The following DCC variants were observed in gnomAD, a reference collection of about 807,000 sequenced individuals.
The protein encoded by DCC is DCC netrin 1 receptor, also known as netrin receptor DCC.
A neutral mutation model predicts 172.5 loss-of-function variants in DCC; 58 were observed. That is an observed-to-expected ratio of 0.34 (90% CI 0.27 to 0.42). DCC has a LOEUF of 0.42. DCC is among the 10% of genes least tolerant of loss of function. DCC has a pLI of 1.00. For synonymous variants in DCC, 709 were observed against 644.5 expected (o/e 1.10, Z -1.52); for missense variants, 1,740 against 1,791.0 (o/e 0.97, Z 0.51).
chr18:53,385,995 T>A, intron 15 of DCC, 48 bp from the exon 16 acceptor site: 1 of 1,219,700 alleles, frequency 8.2e-7, no homozygotes, highest in Non-Finnish European at 1.2e-6. Context: ...AGTATTTTGA[T>A]ACATTAAATA....
At chr18:52,390,368 A>G (rs1985984488) in intron 1 of DCC, among the ~76,000 whole-genome samples, 1 of 152,038 alleles carries the variant, frequency 6.6e-6, no homozygotes, top group African/African-American at 2.4e-5. Context: ...GCACACCAGG[A>G]TGGGCACAGA....
At chr18:52,722,488 A>G (rs1324973670) in intron 1 of DCC, among the ~76,000 whole-genome samples, 1 of 152,150 alleles carries the variant, frequency 6.6e-6, no homozygotes, top group Non-Finnish European at 1.5e-5. Context: ...TATGGTTATT[A>G]TTTATGTAGT....
intron 6 of DCC, chr18:53,063,694 A>T: frequency 2.2e-6 from 1 of 463,808 alleles, no homozygotes; most frequent in Non-Finnish European, 3.9e-6. Context: ...AAAACATACA[A>T]ACAAACAAAA....
At position 53,145,119 on chromosome 18, in the gene DCC, T is replaced by TTC. The variant is rs1394757326; in HGVS notation, c.1262-12236_1262-12235insCT. On this transcript the variant is annotated intron_variant, in intron 7 of 28. Transcript: ENST00000442544. ...TGAGGGCTCTGCTTTTTTTTTTTTT[T>TTC]TTTTTTTTTTTTTGAGACCGACTCT... is the stretch of plus-strand genomic sequence containing the variant. 3.8e-3 allele frequency among the ~76,000 whole-genome samples: 502 copies of TTC among 132,180 alleles called. 7 individuals are homozygous for TTC. The highest frequency in any genetic ancestry group is 0.013 in the Admixed American group (166 of 12,420). 86.7% of individuals were successfully genotyped at this position (132,180 alleles called of 152,430 possible).
chr18:53,246,062 C>A (rs2056361428), intron 12 of DCC, among the ~76,000 whole-genome samples: 1 of 151,980 alleles, frequency 6.6e-6, no homozygotes, highest in Non-Finnish European at 1.5e-5. Context: ...TTGAATAGTT[C>A]TCCCTGAGAC....
chr18:52,833,302 T>C (rs1010383422), intron 2 of DCC, among the ~76,000 whole-genome samples: 1 of 152,126 alleles, frequency 6.6e-6, no homozygotes, highest in Non-Finnish European at 1.5e-5. Context: ...CTAATGCATC[T>C]CTTTTAGAGC....
chr18:52,531,915 A>C (rs975009488), intron 1 of DCC, among the ~76,000 whole-genome samples: 6 of 152,238 alleles, frequency 3.9e-5, no homozygotes, highest in Admixed American at 3.9e-4. Flanking sequence ...GATGAAGAGA[A>C]GGAAATTAAA....
intron 9 of DCC, among the ~76,000 whole-genome samples, chr18:53,198,830 C>A (rs576654921): frequency 5.3e-5 from 8 of 152,204 alleles, no homozygotes; most frequent in Admixed American, 1.3e-4. Flanking sequence ...ATTCTGAAAT[C>A]TTTCCATTCT....
intron 7 of DCC, among the ~76,000 whole-genome samples, chr18:53,113,849 T>G (rs1370390651): frequency 6.6e-6 from 1 of 151,440 alleles, no homozygotes; most frequent in Non-Finnish European, 1.5e-5. Flanking sequence ...AGAACCATAC[T>G]GCTTCACTTT....
chr18:52,835,675 A>T (rs555519552), intron 2 of DCC, among the ~76,000 whole-genome samples: 1 of 152,322 alleles, frequency 6.6e-6, no homozygotes, highest in Non-Finnish European at 1.5e-5. Flanking sequence ...TTGTATAGAG[A>T]TATCTATATA....
intron 12 of DCC, among the ~76,000 whole-genome samples, chr18:53,218,214 C>T (rs551974222): frequency 5.9e-5 from 9 of 151,970 alleles, no homozygotes; most frequent in East Asian, 3.9e-4. Context: ...ACTTTGAAAA[C>T]GTATTCTATA....
At chr18:52,721,291 G>C (rs1047657268) in intron 1 of DCC, among the ~76,000 whole-genome samples, 1 of 152,156 alleles carries the variant, frequency 6.6e-6, no homozygotes, top group Non-Finnish European at 1.5e-5. Context: ...ATTTCAATTT[G>C]GAAAGTCATT....
rs187104668 is a variant in DCC at position 53,501,882 on chromosome 18, T to C, written c.4111+2372T>C. Among the ~76,000 whole-genome samples the C allele has an allele frequency of 6.5e-3, 689 of 105,444 alleles. 10 individuals carry two copies. Among genetic ancestry groups the C allele is most frequent in the Middle Eastern group, 0.021 (4 of 190 alleles). 69.2% of individuals were successfully genotyped at this position (105,444 alleles called of 152,430 possible). On this transcript the variant is annotated intron_variant, in intron 27 of 28. Transcript: ENST00000442544. ...GAGCAGAGAATTGGCATTTTTTTAC[T>C]AGTTATTTTCTTCTAATTACATTAA...
At chr18:53,289,285 T>C (rs1475414724) in intron 12 of DCC, among the ~76,000 whole-genome samples, 1 of 152,168 alleles carries the variant, frequency 6.6e-6, no homozygotes, top group East Asian at 1.9e-4. Flanking sequence ...TTTCTAAGCA[T>C]GGAATCACAC....
At chr18:52,826,303 ATAGGAT>A (rs1278507944) in intron 2 of DCC, among the ~76,000 whole-genome samples, 1 of 152,152 alleles carries the variant, frequency 6.6e-6, no homozygotes, top group Non-Finnish European at 1.5e-5. Flanking sequence ...AGGGCAAGAG[ATAGGAT>A]TAGGTGTCCC....
intron 1 of DCC, among the ~76,000 whole-genome samples, chr18:52,729,555 C>G (rs1175974860): frequency 4.6e-5 from 7 of 152,188 alleles, no homozygotes; most frequent in Non-Finnish European, 8.8e-5. Flanking sequence ...CCACCATGCC[C>G]AGCCATTTGT....
intron 7 of DCC, among the ~76,000 whole-genome samples, chr18:53,069,922 G>A (rs1041473800): frequency 1.4e-5 from 2 of 145,582 alleles, no homozygotes; most frequent in Non-Finnish European, 3.0e-5. Flanking sequence ...TTGTGGGGTT[G>A]GGGGGGGTTG....
intron 1 of DCC, among the ~76,000 whole-genome samples, chr18:52,441,086 A>T (rs1987956782): frequency 6.6e-6 from 1 of 152,232 alleles, no homozygotes; most frequent in Admixed American, 6.5e-5. Context: ...ATAAGAAAAT[A>T]GTCAATAATA....
chr18:52,852,065 CAAGTAT>C (rs1331303562), intron 2 of DCC, among the ~76,000 whole-genome samples: 2 of 152,066 alleles, frequency 1.3e-5, no homozygotes, highest in Non-Finnish European at 2.9e-5. Flanking sequence ...AATTCTAGTA[CAAGTAT>C]AATACAAGTT....
Sources: allele counts gnomAD v4.1 joint callset (sites outside exome capture counted in the v4.1 genomes callset), GRCh38; gene constraint gnomAD v4.1.1; transcripts MANE v1.5; gene names NCBI Gene and HGNC (gene_info 2026-07-23, HGNC 2026-07-21).